Variants in CPNE8 observed in about 807,000 individuals in gnomAD.
The protein encoded by CPNE8 is copine-8.
CPNE8 carries 45 observed loss-of-function variants against 81.5 expected under a neutral mutation model. The ratio of observed to expected loss-of-function variants is 0.55; its 90% CI spans 0.44 to 0.71. The LOEUF (loss-of-function observed/expected upper bound fraction) is 0.71, where lower values mean the gene tolerates loss of function less well. CPNE8 is among the 30% of genes least tolerant of loss of function. The pLI, the probability that CPNE8 is intolerant of heterozygous loss-of-function variation, is 0.00. For synonymous variants in CPNE8, 252 were observed against 226.3 expected (o/e 1.11, Z -1.02); for missense variants, 594 against 672.1 (o/e 0.88, Z 1.28).
intron 10 of CPNE8, among the ~76,000 whole-genome samples, chr12:38,744,149 G>C (rs1315373435): frequency 1.3e-5 from 2 of 152,140 alleles, no homozygotes. Context: ...CACATAAAGG[G>C]AACCAGAGTA....
At chr12:38,797,296 C>A (rs1261983467) in intron 6 of CPNE8, among the ~76,000 whole-genome samples, 1 of 152,150 alleles carries the variant, frequency 6.6e-6, no homozygotes, top group Non-Finnish European at 1.5e-5. Context: ...GGGAGGCACC[C>A]CCCAGTAGGG....
In CPNE8 at chr12:38,693,696, T is replaced by C. The variant is rs1324176097; in HGVS notation, c.1104A>G (p.Lys368=). The C allele has an allele frequency of 6.2e-7, 1 of 1,612,684 alleles. No homozygotes were observed. Among genetic ancestry groups the C allele is most frequent in the South Asian group, 1.1e-5 (1 of 90,666 alleles). ...GAGATATCCTTCCATCTGGAGGCAG[T>C]TTTGCACCAAATCCTAGAGCTGGAA... is the stretch of plus-strand genomic sequence containing the variant. ...KMFPALGFGA[K]LPPDGRISHE... Residue 368 remains lysine (K), a synonymous_variant, in exon 15 of 20, where the codon AAA becomes AAG. Transcript: ENST00000331366.
At chr12:38,778,220 G>A (rs1418169927) in intron 6 of CPNE8, among the ~76,000 whole-genome samples, 3 of 151,966 alleles carry the variant, frequency 2.0e-5, no homozygotes, top group East Asian at 1.9e-4. Context: ...CCACAAAACC[G>A]CTCCTTGGTA....
intron 6 of CPNE8, among the ~76,000 whole-genome samples, chr12:38,807,100 G>A (rs945191656): frequency 6.6e-6 from 1 of 152,082 alleles, no homozygotes; most frequent in African/African-American, 2.4e-5. Flanking sequence ...GGAAATAAAA[G>A]AGGACACAAA....
chr12:38,766,035 T>C (rs571334669), intron 8 of CPNE8, among the ~76,000 whole-genome samples: 2 of 152,224 alleles, frequency 1.3e-5, no homozygotes, highest in South Asian at 2.1e-4. Context: ...ATTTTTTGTA[T>C]TTTTAGTAGA....
At chr12:38,765,976 A>G (rs1308899879) in intron 8 of CPNE8, among the ~76,000 whole-genome samples, 2 of 151,886 alleles carry the variant, frequency 1.3e-5, no homozygotes, top group Non-Finnish European at 2.9e-5. Context: ...CTCCTGCCTC[A>G]GCCTCCCAAG....
chr12:38,693,582 A>C, intron 15 of CPNE8, 75 bp downstream of exon 15: 1 of 1,298,022 alleles, frequency 7.7e-7, no homozygotes, highest in Non-Finnish European at 1.1e-6. Flanking sequence ...CTGACTAAAG[A>C]ATAAGTACCA....
chr12:38,775,708 G>T (rs1941918316), intron 7 of CPNE8, among the ~76,000 whole-genome samples: 1 of 152,142 alleles, frequency 6.6e-6, no homozygotes, highest in South Asian at 2.1e-4. Flanking sequence ...TACAGAGTAT[G>T]CACTCTCTGT....
intron 10 of CPNE8, among the ~76,000 whole-genome samples, chr12:38,750,233 A>T (rs575470796): frequency 6.6e-6 from 1 of 152,324 alleles, no homozygotes; most frequent in African/African-American, 2.4e-5. Context: ...TTAGATTTCA[A>T]AAGATGTATG....
intron 10 of CPNE8, among the ~76,000 whole-genome samples, chr12:38,755,678 C>A (rs1255610178): frequency 6.6e-6 from 1 of 152,134 alleles, no homozygotes; most frequent in Admixed American, 6.5e-5. Flanking sequence ...TACATTTCAA[C>A]TGATTATTAA....
At chr12:38,724,352 T>C (rs138501040) in intron 12 of CPNE8, among the ~76,000 whole-genome samples, 1,966 of 99,188 alleles carry the variant, frequency 0.02, 28 homozygotes, top group South Asian at 0.08. Flanking sequence ...TTTCTTAAAA[T>C]AGGATGATAT....
chr12:38,759,514 A>ATACC (rs1941531519), intron 10 of CPNE8, among the ~76,000 whole-genome samples: 1 of 152,244 alleles, frequency 6.6e-6, no homozygotes, highest in Non-Finnish European at 1.5e-5. Flanking sequence ...AACCAAATGA[A>ATACC]TACCTGGCAG....
chr12:38,715,334 T>C (rs1404322486), intron 13 of CPNE8, among the ~76,000 whole-genome samples: 1 of 152,070 alleles, frequency 6.6e-6, no homozygotes, highest in Non-Finnish European at 1.5e-5. Flanking sequence ...AGCTAGAGAA[T>C]CAATATAATT....
intron 17 of CPNE8, among the ~76,000 whole-genome samples, chr12:38,677,154 C>A (rs991090317): frequency 6.6e-6 from 1 of 152,084 alleles, no homozygotes; most frequent in Admixed American, 6.6e-5. Flanking sequence ...CAAGATTGTA[C>A]ACAAATACAT....
rs1176287335 is a variant in CPNE8, at chr12:38,894,671, C to G, written c.98+10766G>C. On this transcript the variant is annotated intron_variant, in intron 1 of 19. Coordinates refer to ENST00000331366, the MANE Select transcript of CPNE8 (RefSeq NM_153634.3). Reference sequence around the variant, plus strand: ...TCACTCCAGCTCACTCTCTCTCTCTCTCTCTCTCTCTCTCTCTCTCTCTCT... The same window carrying G: ...TCACTCCAGCTCACTCTCTCTCTCTGTCTCTCTCTCTCTCTCTCTCTCTCT... Among the ~76,000 whole-genome samples, 4 of 14,618 alleles carry G rather than the reference C, an allele frequency of 2.7e-4. No individual in the cohort carries two copies. The East Asian group carries it at 4.2e-3, about 15-fold the overall frequency. 9.6% of individuals were successfully genotyped at this position (14,618 alleles called of 152,430 possible). A position where few individuals can be genotyped will look rare whatever the true frequency, so the allele number is the denominator to read the frequency against.
At chr12:38,876,339 G>A (rs986013589) in intron 1 of CPNE8, among the ~76,000 whole-genome samples, 46 of 152,078 alleles carry the variant, frequency 3.0e-4, no homozygotes, top group African/African-American at 1.0e-3. Flanking sequence ...AGCCTCCCGA[G>A]AGTAGCTGGG....
chr12:38,838,532 C>A (rs1217156605), intron 5 of CPNE8, among the ~76,000 whole-genome samples: 1 of 152,132 alleles, frequency 6.6e-6, no homozygotes, highest in Non-Finnish European at 1.5e-5. Flanking sequence ...AATGCAGTTT[C>A]TTTTCTGATT....
At chr12:38,698,149 T>C (rs996493704) in intron 14 of CPNE8, among the ~76,000 whole-genome samples, 1 of 152,246 alleles carries the variant, frequency 6.6e-6, no homozygotes, top group Admixed American at 6.5e-5. Context: ...TTGGATTTCC[T>C]GATGCCTAAG....
In CPNE8 at chr12:38,714,631, CA is replaced by C. The variant is rs201397855; in HGVS notation, c.914+9140del. Among the ~76,000 whole-genome samples, 989 of 138,340 alleles carry C rather than the reference CA, an allele frequency of 7.1e-3. 13 individuals are homozygous for C. The highest frequency in any genetic ancestry group is 0.068 in the East Asian group (332 of 4,876). The allele number at this position is 138,340 out of a possible 152,430, so 90.8% of individuals were successfully genotyped here. On this transcript the variant is annotated intron_variant, in intron 13 of 19. Coordinates refer to ENST00000331366, the MANE Select transcript of CPNE8 (RefSeq NM_153634.3). ...CCAGAAAAAACACAGCACTGCTTAT[CA>C]AAAAAAAAAAGATCTAAAAATTAGG...
Sources: allele counts gnomAD v4.1 joint callset (sites outside exome capture counted in the v4.1 genomes callset), GRCh38; gene constraint gnomAD v4.1.1; transcripts MANE v1.5; gene names NCBI Gene and HGNC (gene_info 2026-07-23, HGNC 2026-07-21).